Variants in DTNB observed in about 807,000 individuals in gnomAD.
The protein encoded by DTNB is dystrobrevin beta.
A neutral mutation model predicts 90.7 loss-of-function variants in DTNB; 63 were observed. The observed-to-expected ratio is 0.69, with a 90% CI of 0.57 to 0.86. The LOEUF (loss-of-function observed/expected upper bound fraction) is 0.86. DTNB is among the 40% of genes least tolerant of loss of function. The probability of loss-of-function intolerance (pLI) is 0.00; values close to 1 mark genes in which losing one functional copy is unlikely to be tolerated. For missense variants in DTNB, 744 were observed against 807.1 expected (o/e 0.92, Z 0.95); for synonymous variants, 277 against 286.7 (o/e 0.97, Z 0.34).
rs60714399 is a variant in DTNB, at chr2:25,556,170, C to CTTTTTTTTT, written c.876+20659_876+20667dup. Among the ~76,000 whole-genome samples the CTTTTTTTTT allele has an allele frequency of 9.0e-4, 95 of 105,540 alleles. 2 individuals are homozygous for CTTTTTTTTT. Among genetic ancestry groups the CTTTTTTTTT allele is most frequent in the East Asian group, 2.8e-3 (9 of 3,170 alleles). The allele number at this position is 105,540 out of a possible 152,430, so 69.2% of individuals were successfully genotyped here. A position where few individuals can be genotyped will look rare whatever the true frequency, so the allele number is the denominator to read the frequency against. ...ATGTTTTGGTGTTTTGGCCATCTCT[C>CTTTTTTTTT]TTTTTTTTTTTTTTTTTTTTTGCCA... On this transcript the variant is annotated intron_variant, in intron 8 of 20. Coordinates refer to ENST00000406818, the MANE Select transcript of DTNB (RefSeq NM_021907.5).
chr2:25,521,284 A>T (rs964262059), intron 9 of DTNB, among the ~76,000 whole-genome samples: 1 of 152,156 alleles, frequency 6.6e-6, no homozygotes, highest in African/African-American at 2.4e-5. Flanking sequence ...ATAAGCTCTA[A>T]GGGCCATTTG....
At chr2:25,461,962 C>T (rs1010836716) in intron 10 of DTNB, among the ~76,000 whole-genome samples, 8 of 152,166 alleles carry the variant, frequency 5.3e-5, no homozygotes, top group African/African-American at 1.9e-4. Flanking sequence ...TCGGCACATT[C>T]CCAAGGCATC....
chr2:25,512,413 A>G (rs567202196), intron 9 of DTNB, among the ~76,000 whole-genome samples: 1 of 152,362 alleles, frequency 6.6e-6, no homozygotes, highest in Non-Finnish European at 1.5e-5. Flanking sequence ...ACAAATCAGT[A>G]TAAAGTTCAG....
intron 16 of DTNB, among the ~76,000 whole-genome samples, chr2:25,397,337 C>CAAAAA (rs749225408): frequency 1.6e-5 from 1 of 63,404 alleles, no homozygotes; most frequent in African/African-American, 5.4e-5. Context: ...GACTCTGTCT[C>CAAAAA]AAAAAAAAAA....
At position 25,526,368 on chromosome 2, in the gene DTNB, T is replaced by A. The variant is rs1221054483; in HGVS notation, c.1001+5105A>T. 1.7e-3 allele frequency among the ~76,000 whole-genome samples: 113 copies of A among 65,856 alleles called. 2 individuals are homozygous for A. Among genetic ancestry groups the A allele is most frequent in the Admixed American group, 0.014 (86 of 6,092 alleles). 43.2% of individuals were successfully genotyped at this position (65,856 alleles called of 152,430 possible). A position where few individuals can be genotyped will look rare whatever the true frequency, so the allele number is the denominator to read the frequency against. ...GCACTTATAAATATATATAAATATATATATATATATATATATATATATATA... is the reference window on the plus strand; with the variant it reads ...GCACTTATAAATATATATAAATATAAATATATATATATATATATATATATA... On this transcript the variant is annotated intron_variant, in intron 9 of 20. Coordinates refer to ENST00000406818, the MANE Select transcript of DTNB (RefSeq NM_021907.5).
At chr2:25,651,457 T>C (rs2080923125) in intron 2 of DTNB, among the ~76,000 whole-genome samples, 1 of 152,130 alleles carries the variant, frequency 6.6e-6, no homozygotes, top group South Asian at 2.1e-4. Flanking sequence ...TCTTTGGAGG[T>C]AGAAGGTGAG....
intron 10 of DTNB, among the ~76,000 whole-genome samples, chr2:25,481,411 T>TA (rs5829978): frequency 0.96 from 136,721 of 141,894 alleles, 65,896 homozygotes; most frequent in South Asian, 0.99. Context: ...TCTCCAAATT[T>TA]AAAAAAAAAA....
intron 8 of DTNB, among the ~76,000 whole-genome samples, chr2:25,568,810 T>A (rs1052373625): frequency 7.2e-5 from 11 of 152,198 alleles, no homozygotes; most frequent in African/African-American, 2.7e-4. Context: ...ACCGGCACCA[T>A]GAGTGGAGTC....
intron 5 of DTNB, among the ~76,000 whole-genome samples, chr2:25,605,109 A>G (rs1157747530): frequency 6.6e-6 from 1 of 152,248 alleles, no homozygotes; most frequent in African/African-American, 2.4e-5. Flanking sequence ...TCCCTACCCA[A>G]GTATTTTACT....
At chr2:25,590,704 G>C (rs938381259) in intron 6 of DTNB, among the ~76,000 whole-genome samples, 1 of 152,204 alleles carries the variant, frequency 6.6e-6, no homozygotes, top group Admixed American at 6.5e-5. Flanking sequence ...GGGTCTTAAA[G>C]GGGAGGAAGC....
intron 8 of DTNB, among the ~76,000 whole-genome samples, chr2:25,550,735 C>T (rs912661650): frequency 6.6e-6 from 1 of 151,896 alleles, no homozygotes; most frequent in Non-Finnish European, 1.5e-5. Flanking sequence ...CTGCAACCTC[C>T]GCCTCCTGTA....
chr2:25,482,936 C>G, intron 9 of DTNB, 63 bp from the exon 10 acceptor site: 1 of 1,481,896 alleles, frequency 6.7e-7, no homozygotes, highest in Non-Finnish European at 9.1e-7. Context: ...AGGGAAACGA[C>G]GATAAGCATG....
chr2:25,401,406 G>A (rs570309146), intron 16 of DTNB, among the ~76,000 whole-genome samples: 5 of 152,320 alleles, frequency 3.3e-5, no homozygotes, highest in African/African-American at 4.8e-5. Flanking sequence ...CTGAGGACAC[G>A]GGGATCCTTC....
chr2:25,386,606 G>T (rs1188787605), intron 18 of DTNB, among the ~76,000 whole-genome samples: 1 of 152,160 alleles, frequency 6.6e-6, no homozygotes. Context: ...GAGATAGGAG[G>T]ATACGTGAAT....
intron 4 of DTNB, among the ~76,000 whole-genome samples, chr2:25,618,555 T>C (rs924636093): frequency 6.6e-6 from 1 of 152,228 alleles, no homozygotes; most frequent in Non-Finnish European, 1.5e-5. Flanking sequence ...TCACAAATAA[T>C]GTTACTCACT....
At chr2:25,454,980 T>A (rs1372109268) in intron 11 of DTNB, among the ~76,000 whole-genome samples, 2 of 152,152 alleles carry the variant, frequency 1.3e-5, no homozygotes, top group Non-Finnish European at 2.9e-5. Flanking sequence ...GGTGACAGTA[T>A]CAAAGTCCCC....
At position 25,432,866 on chromosome 2, in the gene DTNB, G is replaced by A. The variant is rs765793593; in HGVS notation, c.1457+20C>T. On this transcript the variant is annotated intron_variant, in intron 14 of 20. Coordinates refer to ENST00000406818, the MANE Select transcript of DTNB (RefSeq NM_021907.5). ...CCATAGTAGATTACATGTGGCAAGT[G>A]GTAGAGTGTCCCTACTCACCTCAGC... The A allele has an allele frequency of 1.9e-6, 3 of 1,575,728 alleles. No individual in the cohort carries two copies. The Admixed American group carries it at 5.5e-5, about 29-fold the overall frequency.
intron 9 of DTNB, among the ~76,000 whole-genome samples, chr2:25,503,313 ACT>A (rs1439656067): frequency 2.0e-5 from 3 of 150,186 alleles, no homozygotes; most frequent in Non-Finnish European, 4.4e-5. Context: ...ACATAGAGAG[ACT>A]CTCTCCCTCC....
chr2:25,526,373 ATAT>A (rs2077102405), intron 9 of DTNB, among the ~76,000 whole-genome samples: 1 of 47,476 alleles, frequency 2.1e-5, no homozygotes, highest in African/African-American at 1.4e-4. Context: ...ATATATATAT[ATAT>A]ATATATATAT....
Sources: allele counts gnomAD v4.1 joint callset (sites outside exome capture counted in the v4.1 genomes callset), GRCh38; gene constraint gnomAD v4.1.1; transcripts MANE v1.5; gene names NCBI Gene and HGNC (gene_info 2026-07-23, HGNC 2026-07-21).